The following CASS4 variants were observed in gnomAD, a reference collection of about 807,000 sequenced individuals.
The protein encoded by CASS4 is Cas scaffold protein family member 4, also known as cas scaffolding protein family member 4.
Under a neutral mutation model 54.2 loss-of-function variants are expected in CASS4, and 22 were observed. The ratio of observed to expected loss-of-function variants is 0.41; its 90% CI spans 0.29 to 0.58. The LOEUF (loss-of-function observed/expected upper bound fraction) is 0.58, where lower values mean the gene tolerates loss of function less well. Among genes scored for constraint, CASS4 ranks in the 20% least tolerant of loss-of-function variants. The pLI is 0.36. For missense variants in CASS4, 854 were observed against 986.7 expected, an observed-to-expected ratio of 0.87 and a Z score of 1.80; for synonymous variants, 409 against 391.5, an observed-to-expected ratio of 1.04 and a Z score of -0.53.
Position 56,458,572 on chromosome 20 carries a change from T to G in CASS4, c.2186T>G (p.Val729Gly), listed in dbSNP as rs1339957328. The G allele has an allele frequency of 6.2e-7, 1 of 1,613,988 alleles. No homozygotes were observed. Among genetic ancestry groups the G allele is most frequent in the Non-Finnish European group, 8.5e-7 (1 of 1,179,954 alleles). Residue 729 changes from valine (V) to glycine (G), a missense_variant, in exon 6 of 6, where the codon GTG becomes GGG. Physicochemically the swap from Val to Gly is moderately radical, Grantham distance 109. Transcript: ENST00000679887. ...TGCATGGAGACCCAGGAGAGGGACGTGCGCAACGAGATCCTCCGTGGCAGC... is the reference window on the plus strand; with the variant it reads ...TGCATGGAGACCCAGGAGAGGGACGGGCGCAACGAGATCCTCCGTGGCAGC... ...TLCMETQERD[V>G]RNEILRGSSH... is the part of the protein sequence containing the mutation.
intron 1 of CASS4, among the ~76,000 whole-genome samples, chr20:56,432,811 G>A (rs1979973104): frequency 6.6e-6 from 1 of 152,124 alleles, no homozygotes; most frequent in Non-Finnish European, 1.5e-5. Flanking sequence ...TAATGATTCC[G>A]TGTGCAGACT....
At chr20:56,425,068 G>A (rs909227338) in intron 1 of CASS4, among the ~76,000 whole-genome samples, 5 of 152,174 alleles carry the variant, frequency 3.3e-5, no homozygotes, top group African/African-American at 1.2e-4. Context: ...CCTAACTTTG[G>A]CCTTGGGGAA....
At chr20:56,450,510 G>GA (rs1039012063) in intron 3 of CASS4, 89 bp from the exon 4 acceptor site, 26 of 1,233,578 alleles carry the variant, frequency 2.1e-5, no homozygotes, top group East Asian at 7.5e-5. Context: ...TCTTCCTTTG[G>GA]AAAAAAACAC....
intron 1 of CASS4, among the ~76,000 whole-genome samples, chr20:56,429,905 T>A (rs565221210): frequency 4.6e-5 from 7 of 152,324 alleles, no homozygotes; most frequent in African/African-American, 1.7e-4. Context: ...TTATTTCTCA[T>A]AACTTCTTGT....
At chr20:56,436,376 A>G (rs927172) in intron 1 of CASS4, among the ~76,000 whole-genome samples, 11,356 of 108,514 alleles carry the variant, frequency 0.1, 518 homozygotes, top group Middle Eastern at 0.19. Flanking sequence ...ATATATATGT[A>G]TATATATATA....
At position 56,458,916 on chromosome 20, in the gene CASS4, C is replaced by T; in HGVS notation, c.*169C>T. 4.7e-6 allele frequency: 3 copies of T among 637,306 alleles called. No individual in the cohort carries two copies. Among genetic ancestry groups the T allele is most frequent in the South Asian group, 2.1e-5 (1 of 47,622 alleles). The allele number at this position is 637,306 out of a possible 1,614,324, so 39.5% of individuals were successfully genotyped here. On this transcript the variant is annotated 3_prime_UTR_variant, in exon 6 of 6. Transcript: ENST00000679887. Reference sequence around the variant, plus strand: ...TGGCTAAGCAACCCCAGGGCATTGACTTACCCCGCAGGGGGTCAGGAAAGA... The same window carrying T: ...TGGCTAAGCAACCCCAGGGCATTGATTTACCCCGCAGGGGGTCAGGAAAGA...
At chr20:56,421,648 A>T (rs1176649367) in intron 1 of CASS4, among the ~76,000 whole-genome samples, 1 of 152,198 alleles carries the variant, frequency 6.6e-6, no homozygotes, top group African/African-American at 2.4e-5. Flanking sequence ...GTGAGCTGTG[A>T]TCGCGTCACT....
At chr20:56,455,355 T>C (rs1267926678) in intron 5 of CASS4, among the ~76,000 whole-genome samples, 4 of 152,190 alleles carry the variant, frequency 2.6e-5, no homozygotes, top group Non-Finnish European at 4.4e-5. Context: ...AGGTTGTCTC[T>C]GAATAACTGA....
At chr20:56,440,817 CA>C (rs1052125942) in intron 2 of CASS4, among the ~76,000 whole-genome samples, 3 of 152,106 alleles carry the variant, frequency 2.0e-5, no homozygotes, top group African/African-American at 7.2e-5. Context: ...CAAGGAAATT[CA>C]GGGGGGGTCC....
intron 3 of CASS4, among the ~76,000 whole-genome samples, chr20:56,449,947 G>T (rs1318830769): frequency 6.6e-6 from 1 of 151,652 alleles, no homozygotes; most frequent in Non-Finnish European, 1.5e-5. Flanking sequence ...ATTTTAAGAT[G>T]AACTCAAGAT....
chr20:56,450,828 G>A, intron 4 of CASS4, 149 bp downstream of exon 4: 2 of 643,392 alleles, frequency 3.1e-6, no homozygotes, highest in South Asian at 3.5e-5. Flanking sequence ...GAGGTTGGGA[G>A]TTCAAGACCA....
At chr20:56,443,118 C>T (rs1051420439) in intron 2 of CASS4, among the ~76,000 whole-genome samples, 2 of 137,716 alleles carry the variant, frequency 1.5e-5, no homozygotes, top group Admixed American at 7.3e-5. Flanking sequence ...GCGGTACAGC[C>T]AGTGGTCCGG....
intron 3 of CASS4, among the ~76,000 whole-genome samples, chr20:56,446,519 C>T (rs6069749): frequency 0.068 from 10,291 of 152,132 alleles, 448 homozygotes; most frequent in Middle Eastern, 0.17. Context: ...CATTGATTAT[C>T]TCTGGGGGAA....
In CASS4 at chr20:56,452,678, A is replaced by G; in HGVS notation, c.1502A>G (p.His501Arg). 1.2e-6 allele frequency: 2 copies of G among 1,614,202 alleles called. No individual in the cohort carries two copies. The highest frequency in any genetic ancestry group is 8.5e-7 in the Non-Finnish European group (1 of 1,180,032). Residue 501 changes from histidine (H) to arginine (R), a missense_variant, in exon 5 of 6, where the codon CAT becomes CGT. Coordinates refer to ENST00000679887, the MANE Select transcript of CASS4 (RefSeq NM_020356.4). Reference sequence around the variant, plus strand: ...TTTCTGGATTTTGCCCGAGGAGTCCATGGGACTGCCTGTAACCTCACTGAC... The same window carrying G: ...TTTCTGGATTTTGCCCGAGGAGTCCGTGGGACTGCCTGTAACCTCACTGAC... ...REFLDFARGVHGTACNLTDSN... is the reference protein window; with the variant it reads ...REFLDFARGVRGTACNLTDSN...
intron 2 of CASS4, among the ~76,000 whole-genome samples, chr20:56,438,919 A>G (rs1980325929): frequency 6.6e-6 from 1 of 152,248 alleles, no homozygotes; most frequent in Non-Finnish European, 1.5e-5. Flanking sequence ...GTGTATGTGC[A>G]TGTGTGCTCT....
intron 1 of CASS4, among the ~76,000 whole-genome samples, chr20:56,425,926 G>A (rs1299769321): frequency 6.6e-6 from 1 of 152,112 alleles, no homozygotes; most frequent in East Asian, 1.9e-4. Context: ...TGCTCATCTT[G>A]CTCTTTTTAA....
intron 3 of CASS4, among the ~76,000 whole-genome samples, chr20:56,446,349 C>A (rs1173188611): frequency 6.6e-6 from 1 of 152,092 alleles, no homozygotes; most frequent in African/African-American, 2.4e-5. Flanking sequence ...TCTCAGCCTC[C>A]CAAAGTGCTG....
intron 5 of CASS4, among the ~76,000 whole-genome samples, chr20:56,454,603 C>T (rs1039914382): frequency 2.0e-5 from 3 of 152,164 alleles, no homozygotes; most frequent in Non-Finnish European, 4.4e-5. Context: ...TTAAACAGTT[C>T]CACTGTAGTG....
At chr20:56,432,743 A>G (rs958868750) in intron 1 of CASS4, among the ~76,000 whole-genome samples, 1 of 152,172 alleles carries the variant, frequency 6.6e-6, no homozygotes, top group Non-Finnish European at 1.5e-5. Context: ...TCACTGCTGG[A>G]TTCTCCAAGC....
Sources: gnomAD v4.1 joint callset for allele counts (sites outside exome capture counted in the v4.1 genomes callset) on GRCh38, gnomAD v4.1.1 for gene constraint, MANE v1.5 for transcripts, NCBI Gene and HGNC (gene_info 2026-07-23, HGNC 2026-07-21) for gene names.